Variants in RAD51B observed in about 807,000 individuals in gnomAD.
The protein encoded by RAD51B is RAD51 paralog B.
Under a neutral mutation model 42.2 loss-of-function variants are expected in RAD51B, and 38 were observed. That is an observed-to-expected ratio of 0.90 (90% CI 0.70 to 1.18). RAD51B has a LOEUF of 1.18. Ranked by LOEUF, RAD51B falls within the 50% of genes most tolerant of loss-of-function variation. The pLI is 0.00. For missense variants in RAD51B, 373 were observed against 400.7 expected (o/e 0.93, Z 0.59); for synonymous variants, 154 against 145.2 (o/e 1.06, Z -0.43).
chr14:67,866,238 A>C (rs889721512), intron 5 of RAD51B, among the ~76,000 whole-genome samples: 1 of 152,228 alleles, frequency 6.6e-6, no homozygotes, highest in Non-Finnish European at 1.5e-5. Context: ...TGATTAACTT[A>C]TTTGGATCTT....
chr14:68,287,652 T>TA (rs1415606781), intron 7 of RAD51B, among the ~76,000 whole-genome samples: 1 of 152,240 alleles, frequency 6.6e-6, no homozygotes, highest in African/African-American at 2.4e-5. Context: ...ATAGCATATG[T>TA]ACTTTCAATT....
intron 7 of RAD51B, among the ~76,000 whole-genome samples, chr14:68,055,979 G>A (rs1235244804): frequency 6.6e-6 from 1 of 152,080 alleles, no homozygotes; most frequent in African/African-American, 2.4e-5. Flanking sequence ...CCTTGTTTTT[G>A]TTTTCAGTAG....
intron 11 of RAD51B, among the ~76,000 whole-genome samples, chr14:68,677,114 A>C (rs1893322967): frequency 6.6e-6 from 1 of 152,166 alleles, no homozygotes; most frequent in South Asian, 2.1e-4. Context: ...GGAACCTCAA[A>C]TCAAGTCTAC....
chr14:68,682,290 C>A (rs1009319143), intron 11 of RAD51B, among the ~76,000 whole-genome samples: 5 of 152,176 alleles, frequency 3.3e-5, no homozygotes, highest in African/African-American at 9.7e-5. Context: ...AGCTAGTCAA[C>A]TTTTCCCATC....
chr14:68,019,469 C>T (rs36063876), intron 7 of RAD51B, among the ~76,000 whole-genome samples: 1 of 151,980 alleles, frequency 6.6e-6, no homozygotes, highest in East Asian at 1.9e-4. Context: ...TTAGGAGGTA[C>T]AGTTGATTCT....
chr14:68,239,652 G>A (rs969125587), intron 7 of RAD51B, among the ~76,000 whole-genome samples: 1 of 152,002 alleles, frequency 6.6e-6, no homozygotes, highest in Non-Finnish European at 1.5e-5. Context: ...GCCCAGCCCT[G>A]TGGTACTGCC....
At chr14:68,190,090 A>G (rs900270759) in intron 7 of RAD51B, among the ~76,000 whole-genome samples, 1 of 152,246 alleles carries the variant, frequency 6.6e-6, no homozygotes. Context: ...TTCTCCCACT[A>G]AAAGTTGCTG....
exon 11 of RAD51B, chr14:68,594,630 T>A: frequency 7.8e-7 from 1 of 1,285,288 alleles, no homozygotes; most frequent in African/African-American, 1.5e-5. Flanking sequence ...GGTCTCATTA[T>A]GTTGCCCAAG....
intron 9 of RAD51B, among the ~76,000 whole-genome samples, chr14:68,428,932 T>C (rs1419013496): frequency 7.2e-6 from 1 of 138,130 alleles, no homozygotes; most frequent in African/African-American, 2.7e-5. Context: ...CAGGCCCCAG[T>C]GTGTGATCTT....
chr14:68,116,461 G>C (rs1047660877), intron 7 of RAD51B, among the ~76,000 whole-genome samples: 16 of 151,798 alleles, frequency 1.1e-4, no homozygotes, highest in Non-Finnish European at 1.9e-4. Flanking sequence ...TATAAAATCA[G>C]AGTAATAGAA....
chr14:68,169,363 A>G (rs923100370), intron 7 of RAD51B, among the ~76,000 whole-genome samples: 4 of 152,046 alleles, frequency 2.6e-5, no homozygotes, highest in Admixed American at 2.6e-4. Flanking sequence ...TTCTGCTCCT[A>G]AAGCCTTTTA....
intron 9 of RAD51B, among the ~76,000 whole-genome samples, chr14:68,433,442 A>C (rs1055812392): frequency 6.6e-6 from 1 of 151,926 alleles, no homozygotes; most frequent in Non-Finnish European, 1.5e-5. Context: ...GGCTTTGTTC[A>C]TTTCTTTTTA....
chr14:68,124,682 G>A (rs998267878), intron 7 of RAD51B, among the ~76,000 whole-genome samples: 3 of 152,170 alleles, frequency 2.0e-5, no homozygotes, highest in Non-Finnish European at 4.4e-5. Context: ...GGCCGGGTGT[G>A]GTGGCTCACA....
intron 7 of RAD51B, among the ~76,000 whole-genome samples, chr14:68,278,878 G>A (rs568097140): frequency 6.6e-6 from 1 of 152,264 alleles, no homozygotes; most frequent in South Asian, 2.1e-4. Flanking sequence ...CTCTCCTGGT[G>A]AGATAGGAAA....
intron 7 of RAD51B, among the ~76,000 whole-genome samples, chr14:67,943,490 G>T (rs188838534): frequency 1.4e-4 from 21 of 152,164 alleles, no homozygotes; most frequent in Middle Eastern, 6.8e-3. Context: ...TATCACAGGA[G>T]CTGTGGGCTG....
intron 7 of RAD51B, among the ~76,000 whole-genome samples, chr14:68,285,842 A>G (rs1278698812): frequency 6.6e-6 from 1 of 152,226 alleles, no homozygotes; most frequent in Non-Finnish European, 1.5e-5. Flanking sequence ...TGGGCGCCGG[A>G]AATGATAACC....
chr14:68,448,784 G>A (rs975888776), intron 9 of RAD51B, among the ~76,000 whole-genome samples: 2 of 152,002 alleles, frequency 1.3e-5, no homozygotes, highest in African/African-American at 4.8e-5. Context: ...ATGGAGAATG[G>A]CAGAGCACAC....
intron 9 of RAD51B, among the ~76,000 whole-genome samples, chr14:68,422,389 C>T (rs2084726494): frequency 6.6e-6 from 1 of 151,758 alleles, no homozygotes. Flanking sequence ...GGTGAAACCC[C>T]GTCTCTACTA....
Position 68,619,291 on chromosome 14 carries a change from G to A in RAD51B, c.1037-31490G>A, listed in dbSNP as rs138985050. Among the ~76,000 whole-genome samples the A allele has an allele frequency of 5.9e-5, 9 of 151,318 alleles. No homozygotes were observed. The East Asian group carries it at 7.9e-4, about 13-fold the overall frequency. Reference sequence around the variant, plus strand: ...AGATCGAGACCATCCTCGCTAACACGGTGAAACCCCATCTCTACTAAAAAT... The same window carrying A: ...AGATCGAGACCATCCTCGCTAACACAGTGAAACCCCATCTCTACTAAAAAT... On this transcript the variant is annotated intron_variant, in intron 10 of 11. Coordinates refer to the RAD51B transcript ENST00000488612.
Sources: allele counts gnomAD v4.1 joint callset (sites outside exome capture counted in the v4.1 genomes callset), GRCh38; gene constraint gnomAD v4.1.1; transcripts MANE v1.5; gene names NCBI Gene and HGNC (gene_info 2026-07-23, HGNC 2026-07-21).